The following TOM1 variants were observed in gnomAD, a reference collection of about 807,000 sequenced individuals.
TOM1 encodes target of myb1 membrane trafficking protein.
Under a neutral mutation model 61.3 loss-of-function variants are expected in TOM1, and 38 were observed. The observed-to-expected ratio is 0.62, with a 90% CI of 0.48 to 0.81. The LOEUF is 0.81. Among genes scored for constraint, TOM1 ranks in the 40% least tolerant of loss-of-function variants. The pLI is 0.00. For missense variants in TOM1, 591 were observed against 659.6 expected, an observed-to-expected ratio of 0.90 and a Z score of 1.14; for synonymous variants, 270 against 268.8, an observed-to-expected ratio of 1.00 and a Z score of -0.04.
In TOM1 at chr22:35,346,982, G is replaced by GCCCCC; in HGVS notation, c.1324+17_1324+18insCCCCC. ...GTCACCAGCGAAGGTAGTAGTCCCC[G>GCCCCC]CCCCTGCCCGCCCTCTCCTTTCCCC... On this transcript the variant is annotated intron_variant, in intron 14 of 14. Transcript: ENST00000449058. The GCCCCC allele has an allele frequency of 1.2e-6, 1 of 833,334 alleles. No homozygotes were observed. The allele number at this position is 833,334 out of a possible 1,614,324, so 51.6% of individuals were successfully genotyped here. A position where few individuals can be genotyped will look rare whatever the true frequency, so the allele number is the denominator to read the frequency against.
intron 12 of TOM1, among the ~76,000 whole-genome samples, chr22:35,340,572 C>A (rs1601713512): frequency 6.6e-6 from 1 of 152,048 alleles, no homozygotes; most frequent in Non-Finnish European, 1.5e-5. Context: ...CATGGGGAAA[C>A]CCCATCTCTA....
intron 1 of TOM1, among the ~76,000 whole-genome samples, chr22:35,310,085 C>CAGGT (rs1407246000): frequency 1.3e-5 from 2 of 152,222 alleles, no homozygotes. Context: ...CTAGCAAGGA[C>CAGGT]AGGTAAATGT....
At chr22:35,314,422 T>C (rs1386387035) in intron 1 of TOM1, among the ~76,000 whole-genome samples, 2 of 152,020 alleles carry the variant, frequency 1.3e-5, no homozygotes, top group Admixed American at 6.6e-5. Context: ...CCTGCACTGC[T>C]TGGGTCACAT....
chr22:35,323,525 C>G lies in TOM1; in HGVS notation c.396C>G (p.Pro132=). The G allele has an allele frequency of 1.2e-6, 2 of 1,614,150 alleles. No individual in the cohort carries two copies. Among genetic ancestry groups the G allele is most frequent in the Non-Finnish European group, 1.7e-6 (2 of 1,180,028 alleles). Residue 132 remains proline (P), a synonymous_variant, in exon 5 of 15, where the codon CCC becomes CCG. Transcript: ENST00000449058. The surrounding 1 kb of genome is among the most constrained non-coding windows in gnomAD (Gnocchi z 4.2). ...GGGCTGACGCGTTCCGCAGCTCGCC[C>G]GATCTGACAGGTGTGGTCACCATCT... is the stretch of plus-strand genomic sequence containing the variant. ...QSWADAFRSS[P]DLTGVVTIYE...
intron 3 of TOM1, chr22:35,322,735 C>A (rs1463728038): frequency 2.7e-6 from 1 of 375,412 alleles, no homozygotes; most frequent in East Asian, 5.2e-5. Context: ...TCTCTCTAGA[C>A]CATGTTTAGC....
At chr22:35,318,048 C>T in intron 2 of TOM1, 87 bp downstream of exon 2, 1 of 1,229,568 alleles carries the variant, frequency 8.1e-7, no homozygotes. Flanking sequence ...GAGCCCCTGC[C>T]CCAGCCCCAT....
chr22:35,313,561 T>G (rs542594073), intron 1 of TOM1, among the ~76,000 whole-genome samples: 1 of 152,216 alleles, frequency 6.6e-6, no homozygotes, highest in Non-Finnish European at 1.5e-5. Flanking sequence ...AGTCTTATCC[T>G]GATTTTACGG....
chr22:35,299,776 C>T, upstream of TOM1: 2 of 815,540 alleles, frequency 2.5e-6, no homozygotes, highest in South Asian at 1.7e-5. Context: ...GGGACCCTGG[C>T]GTCTCAGGGC....
Position 35,318,271 on chromosome 22 carries a change from A to T in TOM1, c.137+310A>T. On this transcript the variant is annotated intron_variant, in intron 2 of 14. Transcript: ENST00000449058. ...CTGCCTAGGATGAGGCAAGCTGGAG[A>T]CTCTTAATCAGAAGTTGACCCCAAG... 1.1e-5 allele frequency: 5 copies of T among 445,240 alleles called. No homozygotes were observed. The South Asian group carries it at 1.8e-4, about 16-fold the overall frequency. 27.6% of individuals were successfully genotyped at this position (445,240 alleles called of 1,614,324 possible). A position where few individuals can be genotyped will look rare whatever the true frequency, so the allele number is the denominator to read the frequency against.
Position 35,299,960 on chromosome 22 carries a change from C to G in TOM1, c.32C>G (p.Ser11Cys). MDFLLGNPFS[S>C]PVGQRIEKAT... ...TTTCTCCTGGGGAACCCGTTCAGCT[C>G]TCCAGTGGGACAGCGCATCGGTGAG... The change falls in exon 1 of 15, where the codon TCT (serine) becomes TGT (cysteine). Residue 11 changes from serine to cysteine, a missense_variant. Transcript: ENST00000449058. 1 of 1,581,344 alleles carries G rather than the reference C, an allele frequency of 6.3e-7. No individual in the cohort carries two copies. Among genetic ancestry groups the G allele is most frequent in the African/African-American group, 1.3e-5 (1 of 74,498 alleles).
At chr22:35,346,840 C>A in intron 13 of TOM1, 90 bp from the exon 14 acceptor site, 1 of 1,270,628 alleles carries the variant, frequency 7.9e-7, no homozygotes, top group Non-Finnish European at 1.1e-6. Flanking sequence ...TGCTGAGGTT[C>A]AGCGGGGCCC....
rs1929611280 is a variant in TOM1 at position 35,338,760 on chromosome 22, T to G, written c.1196T>G (p.Leu399Arg). ...PQATDGLAGA[L>R]DARQQSTGAI... is the part of the protein sequence containing the mutation. ...GCAACAGACGGCCTGGCTGGAGCCC[T>G]GGACGCCCGGCAGCAGAGCACTGGC... Residue 399 changes from leucine (L) to arginine (R), a missense_variant, in exon 12 of 15, where the codon CTG becomes CGG. Coordinates refer to ENST00000449058, the MANE Select transcript of TOM1 (RefSeq NM_005488.3). 6.2e-7 allele frequency: 1 copy of G among 1,601,826 alleles called. No homozygotes were observed. The highest frequency in any genetic ancestry group is 8.5e-7 in the Non-Finnish European group (1 of 1,175,126).
intron 9 of TOM1, 80 bp downstream of exon 9, chr22:35,333,094 T>C: frequency 6.9e-7 from 1 of 1,452,586 alleles, no homozygotes; most frequent in South Asian, 1.1e-5. Context: ...CCTCCCCTAG[T>C]AAACTGGACA....
At chr22:35,336,522 T>C (rs1399054117) in intron 11 of TOM1, among the ~76,000 whole-genome samples, 1 of 152,176 alleles carries the variant, frequency 6.6e-6, no homozygotes. Context: ...TCCTATCCAC[T>C]CAATGCCAAG....
At chr22:35,327,922 G>T (rs1928482236) in intron 7 of TOM1, among the ~76,000 whole-genome samples, 1 of 152,154 alleles carries the variant, frequency 6.6e-6, no homozygotes. Context: ...CCCAGATTGG[G>T]GGTCACTGGA....
intron 7 of TOM1, among the ~76,000 whole-genome samples, chr22:35,328,309 A>G (rs1005925587): frequency 1.3e-5 from 2 of 152,222 alleles, no homozygotes; most frequent in Non-Finnish European, 2.9e-5. Context: ...AGCCAAGGCC[A>G]TGAGATGTGA....
At chr22:35,322,926 C>A in intron 3 of TOM1, 102 bp from the exon 4 acceptor site, 1 of 1,408,958 alleles carries the variant, frequency 7.1e-7, no homozygotes, top group African/African-American at 1.4e-5. Context: ...TCTCCTCTCC[C>A]GGGCCTCCTC....
At chr22:35,346,683 C>T (rs561085331) in intron 13 of TOM1, among the ~76,000 whole-genome samples, 3 of 152,282 alleles carry the variant, frequency 2.0e-5, no homozygotes, top group South Asian at 2.1e-4. Context: ...CTTCAGCCCC[C>T]ACCCCGCCCC....
intron 1 of TOM1, among the ~76,000 whole-genome samples, chr22:35,304,551 T>A (rs1483570696): frequency 6.6e-6 from 1 of 152,206 alleles, no homozygotes; most frequent in African/African-American, 2.4e-5. Context: ...CGATCTCGGC[T>A]CACTGCAAGC....
Sources: gnomAD v4.1 joint callset for allele counts (sites outside exome capture counted in the v4.1 genomes callset) on GRCh38, gnomAD v4.1.1 for gene constraint, Gnocchi (gnomAD v3.1) non-coding constraint, MANE v1.5 for transcripts, NCBI Gene and HGNC (gene_info 2026-07-23, HGNC 2026-07-21) for gene names.